Variants in RUVBL1 observed in about 807,000 individuals in gnomAD.
RUVBL1 encodes the protein ruvB-like 1.
Under a neutral mutation model 52.4 loss-of-function variants are expected in RUVBL1, and 4 were observed. That is an observed-to-expected ratio of 0.08 (90% confidence interval 0.04 to 0.17). The LOEUF is 0.17. Ranked by LOEUF, RUVBL1 falls within the 10% of genes least tolerant of loss-of-function variation. The pLI is 1.00. For synonymous variants in RUVBL1, 217 were observed against 214.4 expected (o/e 1.01, Z -0.10); for missense variants, 298 against 572.8 (o/e 0.52, Z 4.90).
chr3:128,125,177 G>C, upstream of RUVBL1, among the ~76,000 whole-genome samples: 1 of 151,802 alleles, frequency 6.6e-6, no homozygotes, highest in African/African-American at 2.4e-5. Context: ...ATCACGCCCG[G>C]CTAATTTTTT....
At chr3:128,118,639 G>T (rs1943578354) in intron 2 of RUVBL1, among the ~76,000 whole-genome samples, 1 of 152,162 alleles carries the variant, frequency 6.6e-6, no homozygotes, top group South Asian at 2.1e-4. Context: ...AAGCCACACG[G>T]TGTCCTCTGC....
chr3:128,064,826 A>G, exon 10 of RUVBL1: 2 of 1,499,774 alleles, frequency 1.3e-6, no homozygotes, highest in Non-Finnish European at 1.8e-6. Flanking sequence ...GCTAGAAGCA[A>G]ATTGAGTTGC....
upstream of RUVBL1, among the ~76,000 whole-genome samples, chr3:128,128,021 TAC>T (rs1943819524): frequency 6.6e-6 from 1 of 151,726 alleles, no homozygotes. Flanking sequence ...CATACATACA[TAC>T]ATACATACAT....
At chr3:128,101,451 C>A (rs1943106264) in intron 5 of RUVBL1, 108 bp downstream of exon 5, 3 of 970,014 alleles carry the variant, frequency 3.1e-6, no homozygotes, top group Non-Finnish European at 4.8e-6. Flanking sequence ...AGACACCAGC[C>A]CCTCCCCACA....
chr3:128,144,969 C>T (rs1428904018), intron 1 of RUVBL1, among the ~76,000 whole-genome samples: 2 of 152,092 alleles, frequency 1.3e-5, no homozygotes, highest in Non-Finnish European at 2.9e-5. Context: ...CTTTGTGGAG[C>T]TGCTGACAGC....
chr3:128,112,905 T>C lies in RUVBL1; in HGVS notation c.344A>G (p.Asn115Ser), dbSNP rs1456579488. Residue 115 changes from asparagine (N) to serine (S), a missense_variant, in exon 3 of 11, where the codon AAC (asparagine) becomes AGC (serine). Coordinates refer to ENST00000322623, the MANE Select transcript of RUVBL1 (RefSeq NM_003707.3). Reference sequence around the variant, plus strand: ...CTACTTACCAATGGCCCTGCGGAAGTTCTCCATCAGCACCTCTGTCTTCTT... The same window carrying C: ...CTACTTACCAATGGCCCTGCGGAAGCTCTCCATCAGCACCTCTGTCTTCTT... ...EIKKTEVLME[N>S]FRRAIGLRIK... 3 of 1,613,738 alleles carry C rather than the reference T, an allele frequency of 1.9e-6. No individual in the cohort carries two copies. Among genetic ancestry groups the C allele is most frequent in the Non-Finnish European group, 2.5e-6 (3 of 1,179,974 alleles).
chr3:128,140,910 G>A (rs1325382773), intron 1 of RUVBL1, among the ~76,000 whole-genome samples: 1 of 152,158 alleles, frequency 6.6e-6, no homozygotes, highest in African/African-American at 2.4e-5. Context: ...TTCATGCAAT[G>A]ACAAAATCAC....
intron 2 of RUVBL1, 107 bp from the exon 3 acceptor site, chr3:128,113,127 C>T: frequency 7.8e-7 from 1 of 1,278,200 alleles, no homozygotes; most frequent in Non-Finnish European, 1.1e-6. Context: ...AACATCTAGT[C>T]CTACCATTTA....
At chr3:128,129,039 T>G (rs1157901829) in intron 1 of RUVBL1, among the ~76,000 whole-genome samples, 1 of 152,184 alleles carries the variant, frequency 6.6e-6, no homozygotes, top group Non-Finnish European at 1.5e-5. Flanking sequence ...TGTCATCACT[T>G]GCATTTCTTT....
rs1942458191 is a variant in RUVBL1 at position 128,081,030 on chromosome 3, G to A, written c.*220C>T. On this transcript the variant is annotated 3_prime_UTR_variant, in exon 11 of 11. Transcript: ENST00000322623. The surrounding 1 kb of genome is among the most constrained non-coding windows in gnomAD (Gnocchi z 4.8). Reference sequence around the variant, plus strand: ...AGAGAGAATCAAAATAACCTATGAAGATTTATAGAAAACACACCAGGTAAG... The same window carrying A: ...AGAGAGAATCAAAATAACCTATGAAAATTTATAGAAAACACACCAGGTAAG... 2.0e-6 allele frequency: 1 copy of A among 490,044 alleles called. No individual in the cohort carries two copies. The highest frequency in any genetic ancestry group is 5.3e-4 in the Middle Eastern group (1 of 1,898). 30.4% of individuals were successfully genotyped at this position (490,044 alleles called of 1,614,324 possible). A position where few individuals can be genotyped will look rare whatever the true frequency, so the allele number is the denominator to read the frequency against.
intron 6 of RUVBL1, among the ~76,000 whole-genome samples, chr3:128,100,091 T>C (rs1375997030): frequency 6.6e-6 from 1 of 152,206 alleles, no homozygotes; most frequent in Non-Finnish European, 1.5e-5. Flanking sequence ...TTCCTAGAAA[T>C]GTCATATAGT....
At chr3:128,150,918 TTATATATATA>T (rs1944191096) in intron 1 of RUVBL1, among the ~76,000 whole-genome samples, 1 of 83,418 alleles carries the variant, frequency 1.2e-5, no homozygotes, top group East Asian at 3.3e-4. Flanking sequence ...ATATTCTATA[TTATATATATA>T]ATATATTCTA....
intron 3 of RUVBL1, among the ~76,000 whole-genome samples, chr3:128,109,695 T>A (rs1943331288): frequency 6.6e-6 from 1 of 151,862 alleles, no homozygotes; most frequent in African/African-American, 2.4e-5. Context: ...AGTTTCACCA[T>A]GTTCCCCAGG....
chr3:128,117,253 A>G (rs1251273437), intron 2 of RUVBL1, among the ~76,000 whole-genome samples: 1 of 152,262 alleles, frequency 6.6e-6, no homozygotes, highest in East Asian at 1.9e-4. Flanking sequence ...AGTCAAAAAG[A>G]TAACAAATAT....
chr3:128,083,653 G>A (rs1942549311), intron 9 of RUVBL1: 1 of 152,294 alleles, frequency 6.6e-6, no homozygotes, highest in Admixed American at 6.5e-5. Context: ...AGCCAGGTGA[G>A]GGTGAAATGC....
intron 8 of RUVBL1, among the ~76,000 whole-genome samples, chr3:128,094,766 G>A (rs776025537): frequency 9.9e-5 from 15 of 152,126 alleles, no homozygotes; most frequent in Non-Finnish European, 1.3e-4. Flanking sequence ...TCTTTCCTTC[G>A]GAGCTCTAGA....
At chr3:128,071,341 G>A (rs1207032264) in intron 9 of RUVBL1, 1 of 152,528 alleles carries the variant, frequency 6.6e-6, no homozygotes, top group Non-Finnish European at 1.5e-5. Context: ...CTACCCACAT[G>A]GTTCTCCCAC....
chr3:128,142,771 C>T (rs1944045154), intron 1 of RUVBL1, among the ~76,000 whole-genome samples: 1 of 152,114 alleles, frequency 6.6e-6, no homozygotes, highest in African/African-American at 2.4e-5. Flanking sequence ...GCTTCTGACC[C>T]TCCTGCCTCT....
chr3:128,104,682 G>A (rs1943182272), intron 4 of RUVBL1, 91 bp downstream of exon 4: 4 of 1,176,814 alleles, frequency 3.4e-6, no homozygotes, highest in South Asian at 3.2e-5. Context: ...CACAGGTCAG[G>A]AAACTGGGAT....
Sources: allele counts gnomAD v4.1 joint callset (sites outside exome capture counted in the v4.1 genomes callset), GRCh38; gene constraint gnomAD v4.1.1; non-coding constraint Gnocchi (gnomAD v3.1); transcripts MANE v1.5; gene names NCBI Gene and HGNC (gene_info 2026-07-23, HGNC 2026-07-21).